GRAP2: variants seen among roughly 807,000 people sequenced by gnomAD.
The protein encoded by GRAP2 is GRB2-related adapter protein 2.
Under a neutral mutation model 43.5 loss-of-function variants are expected in GRAP2, and 31 were observed. The observed-to-expected ratio is 0.71, with a 90% CI of 0.54 to 0.96. The LOEUF is 0.96. Among genes scored for constraint, GRAP2 ranks in the 40% least tolerant of loss-of-function variants. GRAP2 has a pLI of 0.00. For missense variants in GRAP2, 371 were observed against 424.4 expected (o/e 0.87, Z 1.11); for synonymous variants, 156 against 164.8 (o/e 0.95, Z 0.41).
At position 39,914,366 on chromosome 22, in the gene GRAP2, T is replaced by C. The variant is rs2066588102; in HGVS notation, c.-15+13036T>C. ...AAACGCTTTCACTGTGACCCTCACC[T>C]AAGAACAATAGAGTACACCATCAAA... On this transcript the variant is annotated intron_variant, in intron 1 of 7. Coordinates refer to ENST00000344138, the MANE Select transcript of GRAP2 (RefSeq NM_004810.4). 2.0e-5 allele frequency among the ~76,000 whole-genome samples: 3 copies of C among 152,306 alleles called. No homozygotes were observed. The South Asian group carries it at 6.2e-4, about 32-fold the overall frequency.
chr22:39,958,339 A>G (rs1031522450), intron 3 of GRAP2, among the ~76,000 whole-genome samples: 5 of 151,892 alleles, frequency 3.3e-5, no homozygotes, highest in Non-Finnish European at 7.4e-5. Flanking sequence ...ACAGCGCCCC[A>G]TCTCTCCTCT....
Position 39,951,543 on chromosome 22 carries a change from C to T in GRAP2, c.79-4276C>T, listed in dbSNP as rs370686747. ...CCGTAATTTGGCCCTTCTCTTCCCA[C>T]GTCTAACTTATTCACAGGCCATGTA... On this transcript the variant is annotated intron_variant, in intron 2 of 7. Transcript: ENST00000344138. 5.3e-5 allele frequency among the ~76,000 whole-genome samples: 8 copies of T among 152,188 alleles called. No homozygotes were observed. In the East Asian group the frequency reaches 1.3e-3, roughly 26 times the overall value.
intron 1 of GRAP2, among the ~76,000 whole-genome samples, chr22:39,933,005 G>A (rs1328118498): frequency 6.6e-6 from 1 of 152,164 alleles, no homozygotes; most frequent in Non-Finnish European, 1.5e-5. Context: ...CCCAGATGGC[G>A]GCAGCACTGA....
At chr22:39,909,037 A>G (rs2066541380) in intron 1 of GRAP2, among the ~76,000 whole-genome samples, 1 of 152,162 alleles carries the variant, frequency 6.6e-6, no homozygotes, top group South Asian at 2.1e-4. Flanking sequence ...AACCCACTAT[A>G]CAAGAGACTT....
chr22:39,971,331 T>C lies in GRAP2; in HGVS notation c.*247T>C. 1 of 476,380 alleles carries C rather than the reference T, an allele frequency of 2.1e-6. No individual in the cohort carries two copies. The highest frequency in any genetic ancestry group is 3.6e-6 in the Non-Finnish European group (1 of 274,126). The allele number at this position is 476,380 out of a possible 1,614,324, so 29.5% of individuals were successfully genotyped here. ...CCCCTCAGGGGTGTGTGGAAGGCAG[T>C]GGGGGAGTTGGGAGGGGGGCAGGGA... On this transcript the variant is annotated 3_prime_UTR_variant, in exon 8 of 8. Coordinates refer to ENST00000344138, the MANE Select transcript of GRAP2 (RefSeq NM_004810.4).
At chr22:39,906,087 GA>G (rs200721749) in intron 1 of GRAP2, among the ~76,000 whole-genome samples, 32 of 152,198 alleles carry the variant, frequency 2.1e-4, no homozygotes, top group African/African-American at 5.5e-4. Flanking sequence ...GTAATGGGGG[GA>G]AAAAATCCCT....
intron 1 of GRAP2, among the ~76,000 whole-genome samples, chr22:39,939,817 G>T (rs1471942461): frequency 6.6e-6 from 1 of 152,078 alleles, no homozygotes; most frequent in Non-Finnish European, 1.5e-5. Context: ...GCTGAGGCAT[G>T]AGAATTGCTT....
chr22:39,937,223 G>A (rs1324694902), intron 1 of GRAP2, among the ~76,000 whole-genome samples: 1 of 152,160 alleles, frequency 6.6e-6, no homozygotes, highest in Admixed American at 6.5e-5. Flanking sequence ...GCTGGTTCAC[G>A]TTTCTAGGCA....
intron 1 of GRAP2, among the ~76,000 whole-genome samples, chr22:39,921,094 C>T (rs1255353376): frequency 2.6e-5 from 4 of 152,150 alleles, no homozygotes. Context: ...ACTTGAACTT[C>T]TCGAGCTTTC....
At chr22:39,923,568 C>CT (rs2066672397) in intron 1 of GRAP2, among the ~76,000 whole-genome samples, 1 of 152,214 alleles carries the variant, frequency 6.6e-6, no homozygotes, top group African/African-American at 2.4e-5. Flanking sequence ...GATTTTGTCT[C>CT]TTTTGTCCTC....
intron 2 of GRAP2, among the ~76,000 whole-genome samples, chr22:39,948,786 C>T (rs2066951383): frequency 6.6e-6 from 1 of 152,194 alleles, no homozygotes; most frequent in East Asian, 1.9e-4. Flanking sequence ...AACTGGCCCT[C>T]TCCTGGAAGC....
At chr22:39,910,665 G>A (rs907593339) in intron 1 of GRAP2, among the ~76,000 whole-genome samples, 29 of 150,452 alleles carry the variant, frequency 1.9e-4, no homozygotes, top group Admixed American at 1.4e-3. Flanking sequence ...CCTCGGCCTC[G>A]CAAAGTGCTG....
rs181478623 is a variant in GRAP2, at chr22:39,972,639, A to C, written c.*1555A>C. On this transcript the variant is annotated 3_prime_UTR_variant, in exon 8 of 8. Coordinates refer to ENST00000344138, the MANE Select transcript of GRAP2 (RefSeq NM_004810.4). ...GTGATCGGAGAAGAAAGATTTTCTGACTCAGAAGTGACTGCCAGTGTAGCA... is the reference window on the plus strand; with the variant it reads ...GTGATCGGAGAAGAAAGATTTTCTGCCTCAGAAGTGACTGCCAGTGTAGCA... 1 of 152,270 alleles carries C rather than the reference A, an allele frequency of 6.6e-6. No homozygotes were observed. The highest frequency in any genetic ancestry group is 1.9e-4 in the East Asian group (1 of 5,168). 9.4% of individuals were successfully genotyped at this position (152,270 alleles called of 1,614,324 possible).
intron 1 of GRAP2, among the ~76,000 whole-genome samples, chr22:39,911,383 A>C (rs137966): frequency 0.66 from 98,981 of 150,934 alleles, 33,998 homozygotes; most frequent in African/African-American, 0.88. Flanking sequence ...TCCCTCCATC[A>C]CCTCCCCCAG....
Position 39,926,359 on chromosome 22 carries a change from CAG to C in GRAP2, c.-14-20729_-14-20728del, listed in dbSNP as rs551679810. Reference sequence around the variant, plus strand: ...GTGAAGTGTTAACATGCACACGCAGCAGAGAGTGTGCGTATCTACAAATACCA... The same window carrying C: ...GTGAAGTGTTAACATGCACACGCAGCAGAGTGTGCGTATCTACAAATACCA... On this transcript the variant is annotated intron_variant, in intron 1 of 7. Transcript: ENST00000344138. Among the ~76,000 whole-genome samples, 1,116 of 151,816 alleles carry C rather than the reference CAG, an allele frequency of 7.4e-3. 9 individuals are homozygous for C. The highest frequency in any genetic ancestry group is 0.026 in the African/African-American group (1,064 of 41,386).
chr22:39,900,667 A>G (rs950294043), upstream of GRAP2, among the ~76,000 whole-genome samples: 1 of 152,206 alleles, frequency 6.6e-6, no homozygotes, highest in African/African-American at 2.4e-5. Flanking sequence ...AATGCATCCC[A>G]GCTCAGAATG....
intron 6 of GRAP2, among the ~76,000 whole-genome samples, chr22:39,969,031 G>A (rs548262493): frequency 2.6e-5 from 4 of 152,204 alleles, no homozygotes; most frequent in South Asian, 2.1e-4. Context: ...TTGATTTCCC[G>A]GGCAGATACA....
chr22:39,941,196 G>C (rs545985503), intron 1 of GRAP2, among the ~76,000 whole-genome samples: 14 of 152,316 alleles, frequency 9.2e-5, no homozygotes, highest in Admixed American at 5.9e-4. Context: ...CTGGCTGCCT[G>C]CTAAGCCCGG....
intron 4 of GRAP2, among the ~76,000 whole-genome samples, chr22:39,963,011 C>T (rs957451827): frequency 1.3e-5 from 2 of 152,132 alleles, no homozygotes; most frequent in African/African-American, 4.8e-5. Context: ...GTGAGTTCTA[C>T]AAAACAGTAG....
Sources: gnomAD v4.1 joint callset for allele counts (sites outside exome capture counted in the v4.1 genomes callset) on GRCh38, gnomAD v4.1.1 for gene constraint, MANE v1.5 for transcripts, NCBI Gene and HGNC (gene_info 2026-07-23, HGNC 2026-07-21) for gene names.